The following SCARB1 variants were observed in gnomAD, a reference collection of about 807,000 sequenced individuals.
The protein encoded by SCARB1 is CD36 and LIMPII analogous 1.
SCARB1 carries 30 observed loss-of-function variants against 57.2 expected under a neutral mutation model. The ratio of observed to expected loss-of-function variants is 0.52; its 90% CI spans 0.39 to 0.71. The LOEUF (loss-of-function observed/expected upper bound fraction) is 0.71, where lower values mean the gene tolerates loss of function less well. Ranked by LOEUF, SCARB1 falls within the 30% of genes least tolerant of loss-of-function variation. SCARB1 has a pLI of 0.00. For missense variants in SCARB1, 543 were observed against 671.2 expected, an observed-to-expected ratio of 0.81 and a Z score of 2.11; for synonymous variants, 249 against 268.3, an observed-to-expected ratio of 0.93 and a Z score of 0.70.
In SCARB1 at chr12:124,812,019, G is replaced by A. The variant is rs1328518394; in HGVS notation, c.631-54C>T. On this transcript the variant is annotated intron_variant, in intron 4 of 12. Transcript: ENST00000261693. The surrounding 1 kb of genome is among the most constrained non-coding windows in gnomAD (Gnocchi z 4.3). ...AAGGCTTAGGCCTGCCATTGAGCCG[G>A]CCTGGTCTGAACATTCTGGGCTGAG... The A allele has an allele frequency of 8.6e-6, 12 of 1,402,582 alleles. No individual in the cohort carries two copies. Among genetic ancestry groups the A allele is most frequent in the African/African-American group, 1.4e-5 (1 of 70,058 alleles). 86.9% of individuals were successfully genotyped at this position (1,402,582 alleles called of 1,614,324 possible).
At chr12:124,826,151 A>G (rs923962585) in intron 1 of SCARB1, among the ~76,000 whole-genome samples, 8 of 151,882 alleles carry the variant, frequency 5.3e-5, no homozygotes, top group African/African-American at 1.9e-4. Flanking sequence ...TGGGCAACAT[A>G]GGGAGCCCAT....
intron 11 of SCARB1, 76 bp from the exon 12 acceptor site, chr12:124,782,887 CAAAAGGCAAAG>C: frequency 6.7e-7 from 1 of 1,491,066 alleles, no homozygotes; most frequent in South Asian, 1.1e-5. Flanking sequence ...CTTCAATTTG[CAAAAGGCAAAG>C]AGGAAACAGG....
chr12:124,803,637 T>G (rs1295129346), intron 7 of SCARB1, among the ~76,000 whole-genome samples: 4 of 147,848 alleles, frequency 2.7e-5, no homozygotes, highest in African/African-American at 7.6e-5. Context: ...TATGTATATT[T>G]TATTTAGAAG....
At position 124,814,916 on chromosome 12, in the gene SCARB1, G is replaced by A; in HGVS notation, c.426+57C>T. On this transcript the variant is annotated intron_variant, in intron 3 of 12. Coordinates refer to ENST00000261693, the MANE Select transcript of SCARB1 (RefSeq NM_005505.5). The surrounding 1 kb of genome is among the most constrained non-coding windows in gnomAD (Gnocchi z 4.7). ...TCTCTGCACAAGGGGCAGGCGGGAG[G>A]AGAGACAGGGGACGAGGTCAGGGTG... The A allele has an allele frequency of 6.2e-7, 1 of 1,609,672 alleles. No individual in the cohort carries two copies. The highest frequency in any genetic ancestry group is 8.5e-7 in the Non-Finnish European group (1 of 1,177,368).
intron 1 of SCARB1, among the ~76,000 whole-genome samples, chr12:124,836,385 A>G (rs1347779429): frequency 6.6e-6 from 1 of 152,194 alleles, no homozygotes; most frequent in Non-Finnish European, 1.5e-5. Flanking sequence ...ACCACCTCCC[A>G]TCTCTCAGGA....
At chr12:124,834,836 A>G (rs891058700) in intron 1 of SCARB1, among the ~76,000 whole-genome samples, 2 of 152,168 alleles carry the variant, frequency 1.3e-5, no homozygotes, top group Non-Finnish European at 2.9e-5. Flanking sequence ...TGGGCCCAGA[A>G]GGTCGAGGCT....
At chr12:124,794,185 G>A (rs1949841762) in intron 9 of SCARB1, among the ~76,000 whole-genome samples, 2 of 152,142 alleles carry the variant, frequency 1.3e-5, no homozygotes, top group Non-Finnish European at 2.9e-5. Flanking sequence ...TTCTTTTGGG[G>A]ATGATGAAAA....
intron 5 of SCARB1, among the ~76,000 whole-genome samples, chr12:124,811,213 G>A (rs542048206): frequency 6.6e-6 from 1 of 152,330 alleles, no homozygotes; most frequent in Admixed American, 6.5e-5. Flanking sequence ...CAAGGGGTAG[G>A]GGTGGGAGGT....
intron 11 of SCARB1, chr12:124,786,012 G>A (rs887282882): frequency 6.8e-7 from 1 of 1,460,472 alleles, no homozygotes; most frequent in South Asian, 1.4e-5. Context: ...CTCTACTGCT[G>A]TACGTCCCCT....
At chr12:124,840,230 G>A (rs1301645149) in intron 1 of SCARB1, among the ~76,000 whole-genome samples, 1 of 151,744 alleles carries the variant, frequency 6.6e-6, no homozygotes, top group Non-Finnish European at 1.5e-5. Context: ...TGCCCAGGCT[G>A]GAGTACAGTC....
At position 124,810,295 on chromosome 12, in the gene SCARB1, G is replaced by A. The variant is rs1166096203; in HGVS notation, c.727-6C>T. The A allele has an allele frequency of 1.2e-6, 2 of 1,605,998 alleles. No homozygotes were observed. The highest frequency in any genetic ancestry group is 1.1e-5 in the South Asian group (1 of 90,892). On this transcript the variant is annotated splice_region_variant and splice_polypyrimidine_tract_variant and intron_variant, in intron 5 of 12. Transcript: ENST00000261693. The surrounding 1 kb of genome is among the most constrained non-coding windows in gnomAD (Gnocchi z 4.0). The stretch of plus-strand genomic sequence containing the variant: ...TCGGAATGCCAGAAGTCAACCTGGG[G>A]GGAAGCATCCAGACTAGACCCCTCA...
rs1594275980 is a variant in SCARB1 at position 124,814,441 on chromosome 12, A to G, written c.427-36T>C. The stretch of plus-strand genomic sequence containing the variant: ...AAGGGACACTAGTGTCAGAGGCTGG[A>G]CGTGGCTGGCCCATCCTCCCTTGGC... On this transcript the variant is annotated intron_variant, in intron 3 of 12. Coordinates refer to ENST00000261693, the MANE Select transcript of SCARB1 (RefSeq NM_005505.5). The surrounding 1 kb of genome is among the most constrained non-coding windows in gnomAD (Gnocchi z 4.7). The G allele has an allele frequency of 3.7e-6, 6 of 1,604,014 alleles. No individual in the cohort carries two copies. The East Asian group carries it at 1.3e-4, about 36-fold the overall frequency.
intron 12 of SCARB1, among the ~76,000 whole-genome samples, chr12:124,780,074 C>G (rs79515929): frequency 1.3e-5 from 2 of 152,202 alleles, no homozygotes; most frequent in African/African-American, 4.8e-5. Flanking sequence ...GAACAAAACC[C>G]GCAGGTGCCA....
Position 124,860,428 on chromosome 12 carries a change from A to G in SCARB1, c.126+3167T>C, listed in dbSNP as rs139831890. ...CATCCCTTTTTTGCAGCCCAGCTGCAGTGAGGGGCCTCTCCCCCATGTCCA... is the reference window on the plus strand; with the variant it reads ...CATCCCTTTTTTGCAGCCCAGCTGCGGTGAGGGGCCTCTCCCCCATGTCCA... On this transcript the variant is annotated intron_variant, in intron 1 of 12. Coordinates refer to ENST00000261693, the MANE Select transcript of SCARB1 (RefSeq NM_005505.5). 2.7e-3 allele frequency among the ~76,000 whole-genome samples: 416 copies of G among 152,376 alleles called. 2 individuals are homozygous for G. Among genetic ancestry groups the G allele is most frequent in the African/African-American group, 9.7e-3 (404 of 41,600 alleles).
chr12:124,835,669 C>G (rs1343480264), intron 1 of SCARB1, among the ~76,000 whole-genome samples: 2 of 152,244 alleles, frequency 1.3e-5, no homozygotes, highest in Non-Finnish European at 2.9e-5. Context: ...GGTCTTGTCT[C>G]TTCCTGAAAC....
chr12:124,783,084 G>C, intron 11 of SCARB1: 1 of 447,040 alleles, frequency 2.2e-6, no homozygotes, highest in South Asian at 2.4e-5. Flanking sequence ...GAGGAAGCAA[G>C]GTGGGGAGAT....
Position 124,778,037 on chromosome 12 carries a change from T to C in SCARB1, c.*550A>G, listed in dbSNP as rs568054617. 100 of 160,984 alleles carry C rather than the reference T, an allele frequency of 6.2e-4. No individual in the cohort carries two copies. The highest frequency in any genetic ancestry group is 3.0e-3 in the Middle Eastern group (1 of 334). 10.0% of individuals were successfully genotyped at this position (160,984 alleles called of 1,614,324 possible). A position where few individuals can be genotyped will look rare whatever the true frequency, so the allele number is the denominator to read the frequency against. ...TCACTCCATTGTTTTCCGAGGCCTG[T>C]GTAAAGGCGCTTTGCCTGGCCTGGC... On this transcript the variant is annotated 3_prime_UTR_variant, in exon 13 of 13. Coordinates refer to ENST00000261693, the MANE Select transcript of SCARB1 (RefSeq NM_005505.5).
intron 1 of SCARB1, among the ~76,000 whole-genome samples, chr12:124,852,626 T>C (rs1952462239): frequency 6.6e-6 from 1 of 152,220 alleles, no homozygotes; most frequent in Non-Finnish European, 1.5e-5. Context: ...TCTCCAACTA[T>C]GGAATGCAGC....
intron 1 of SCARB1, among the ~76,000 whole-genome samples, chr12:124,824,193 A>G (rs1951052759): frequency 6.8e-6 from 1 of 147,996 alleles, no homozygotes; most frequent in African/African-American, 2.5e-5. Context: ...AAAAAAAAAG[A>G]GAAAGAAAGA....
Sources: allele counts gnomAD v4.1 joint callset (sites outside exome capture counted in the v4.1 genomes callset), GRCh38; gene constraint gnomAD v4.1.1; non-coding constraint Gnocchi (gnomAD v3.1); transcripts MANE v1.5; gene names NCBI Gene and HGNC (gene_info 2026-07-23, HGNC 2026-07-21).